GULP1: variants seen among roughly 807,000 people sequenced by gnomAD.
GULP1 encodes GULP PTB domain containing engulfment adaptor 1, also known as PTB domain-containing engulfment adapter protein 1.
In GULP1, 19 loss-of-function variants were observed where a neutral mutation model predicts 40.9. That is an observed-to-expected ratio of 0.46 (90% CI 0.32 to 0.68). The LOEUF (loss-of-function observed/expected upper bound fraction) is 0.68, where lower values mean the gene tolerates loss of function less well. GULP1 is among the 30% of genes least tolerant of loss of function. The pLI, the probability that GULP1 is intolerant of heterozygous loss-of-function variation, is 0.03. For missense variants in GULP1, 312 were observed against 362.2 expected (o/e 0.86, Z 1.12); for synonymous variants, 119 against 117.6 (o/e 1.01, Z -0.08).
chr2:188,403,619 G>A (rs1203983754), intron 2 of GULP1, among the ~76,000 whole-genome samples: 1 of 152,158 alleles, frequency 6.6e-6, no homozygotes, highest in African/African-American at 2.4e-5. Flanking sequence ...AGACCAAAAA[G>A]TATGAGATAT....
At chr2:188,522,733 G>GTC in intron 4 of GULP1, 23 bp from the exon 5 acceptor site, 1 of 1,502,118 alleles carries the variant, frequency 6.7e-7, no homozygotes, top group Non-Finnish European at 9.3e-7. Context: ...AAAAGCCTGT[G>GTC]TCTCACAAAT....
At chr2:188,575,087 G>A (rs1409916485) in intron 9 of GULP1, among the ~76,000 whole-genome samples, 3 of 152,160 alleles carry the variant, frequency 2.0e-5, no homozygotes, top group Admixed American at 6.5e-5. Context: ...TTGAAGCCTT[G>A]AATAAAAATA....
intron 1 of GULP1, among the ~76,000 whole-genome samples, chr2:188,352,609 CT>C (rs2044616519): frequency 1.0e-5 from 1 of 100,314 alleles, no homozygotes; most frequent in Non-Finnish European, 2.0e-5. Flanking sequence ...CTTTCTCTCT[CT>C]CTCTCTCTCA....
chr2:188,383,314 G>A lies in GULP1; in HGVS notation c.-171-449G>A, dbSNP rs183525879. ...GGATAAGCTATCTAAATGCCTTGCCGTAAGAGTCAAAGTAGAATGAAAATG... is the reference window on the plus strand; with the variant it reads ...GGATAAGCTATCTAAATGCCTTGCCATAAGAGTCAAAGTAGAATGAAAATG... On this transcript the variant is annotated intron_variant, in intron 1 of 11. Coordinates refer to ENST00000409830, the MANE Select transcript of GULP1 (RefSeq NM_016315.4). 3.6e-4 allele frequency among the ~76,000 whole-genome samples: 55 copies of A among 152,290 alleles called. No individual in the cohort carries two copies. In the East Asian group the frequency reaches 3.7e-3, roughly 10 times the overall value.
At chr2:188,560,218 C>T (rs1695886054) in intron 7 of GULP1, among the ~76,000 whole-genome samples, 1 of 152,144 alleles carries the variant, frequency 6.6e-6, no homozygotes, top group Non-Finnish European at 1.5e-5. Context: ...ACCTTGAATG[C>T]TTTGTTGCTT....
chr2:188,441,051 A>C (rs1020502485), intron 2 of GULP1, among the ~76,000 whole-genome samples: 1 of 141,572 alleles, frequency 7.1e-6, no homozygotes, highest in African/African-American at 2.7e-5. Context: ...TTGGGATAGC[A>C]TTCTAAGCTC....
intron 7 of GULP1, among the ~76,000 whole-genome samples, chr2:188,568,982 T>C (rs1698443187): frequency 6.6e-6 from 1 of 152,102 alleles, no homozygotes; most frequent in South Asian, 2.1e-4. Flanking sequence ...CTTCCAACTT[T>C]CCCACTTCAA....
At chr2:188,366,130 G>C (rs144837153) in intron 1 of GULP1, among the ~76,000 whole-genome samples, 90 of 152,164 alleles carry the variant, frequency 5.9e-4, no homozygotes, top group African/African-American at 2.1e-3. Flanking sequence ...AGAAAAGACA[G>C]CATAGGAGAA....
chr2:188,420,833 A>G (rs2055293690), intron 2 of GULP1, among the ~76,000 whole-genome samples: 1 of 151,890 alleles, frequency 6.6e-6, no homozygotes, highest in African/African-American at 2.4e-5. Flanking sequence ...GGAAGTTCTT[A>G]CTCCAGTCTG....
chr2:188,319,635 G>A (rs2039665432), intron 1 of GULP1, among the ~76,000 whole-genome samples: 1 of 152,112 alleles, frequency 6.6e-6, no homozygotes, highest in Non-Finnish European at 1.5e-5. Flanking sequence ...TCATCAACAA[G>A]CCAGAAATGT....
chr2:188,415,851 C>T (rs2054507653), intron 2 of GULP1, among the ~76,000 whole-genome samples: 1 of 152,132 alleles, frequency 6.6e-6, no homozygotes, highest in African/African-American at 2.4e-5. Context: ...TGGATTGAGT[C>T]CGATCATTCC....
chr2:188,365,799 A>G (rs1352938488), intron 1 of GULP1, among the ~76,000 whole-genome samples: 2 of 152,170 alleles, frequency 1.3e-5, no homozygotes, highest in Non-Finnish European at 2.9e-5. Flanking sequence ...AAGGGAAACA[A>G]CACTGCTCTT....
intron 7 of GULP1, among the ~76,000 whole-genome samples, chr2:188,560,406 A>G (rs1327411153): frequency 6.6e-6 from 1 of 152,204 alleles, no homozygotes; most frequent in Non-Finnish European, 1.5e-5. Flanking sequence ...TTCACTGTCT[A>G]CATCACTATT....
intron 1 of GULP1, among the ~76,000 whole-genome samples, chr2:188,374,821 G>A (rs777314631): frequency 6.6e-6 from 1 of 151,986 alleles, no homozygotes; most frequent in South Asian, 2.1e-4. Context: ...TTGGTGGAGG[G>A]GAGGGTGTTG....
At chr2:188,385,622 A>G (rs933299819) in intron 2 of GULP1, among the ~76,000 whole-genome samples, 2 of 152,154 alleles carry the variant, frequency 1.3e-5, no homozygotes, top group African/African-American at 4.8e-5. Flanking sequence ...CTGAACTTGT[A>G]TGCTCTGCTT....
chr2:188,473,731 G>T (rs2060783215), intron 2 of GULP1, among the ~76,000 whole-genome samples: 1 of 151,986 alleles, frequency 6.6e-6, no homozygotes, highest in Non-Finnish European at 1.5e-5. Flanking sequence ...CCCAGTTTTG[G>T]AATCAGCAAC....
intron 7 of GULP1, among the ~76,000 whole-genome samples, chr2:188,559,815 C>A (rs1695786998): frequency 6.6e-6 from 1 of 152,110 alleles, no homozygotes. Context: ...TGGAAGGGAC[C>A]TGGTGGAGAT....
chr2:188,525,255 G>A (rs1685864191), intron 5 of GULP1, among the ~76,000 whole-genome samples: 1 of 151,710 alleles, frequency 6.6e-6, no homozygotes, highest in African/African-American at 2.4e-5. Context: ...GCTGGGCTTG[G>A]TGGCACACAC....
At chr2:188,572,482 G>A (rs1234580226) in intron 9 of GULP1, among the ~76,000 whole-genome samples, 1 of 152,008 alleles carries the variant, frequency 6.6e-6, no homozygotes, top group Non-Finnish European at 1.5e-5. Flanking sequence ...TTAAATCACG[G>A]TCTTACACTG....
Sources: allele counts gnomAD v4.1 joint callset (sites outside exome capture counted in the v4.1 genomes callset), GRCh38; gene constraint gnomAD v4.1.1; transcripts MANE v1.5; gene names NCBI Gene and HGNC (gene_info 2026-07-23, HGNC 2026-07-21).